IQGAP1: variants seen among roughly 807,000 people sequenced by gnomAD.
The protein encoded by IQGAP1 is ras GTPase-activating-like protein IQGAP1.
IQGAP1 carries 66 observed loss-of-function variants against 215.6 expected under a neutral mutation model. That is an observed-to-expected ratio of 0.31 (90% CI 0.25 to 0.38). The LOEUF is 0.38. Ranked by LOEUF, IQGAP1 falls within the 10% of genes least tolerant of loss-of-function variation. The pLI is 1.00. For synonymous variants in IQGAP1, 772 were observed against 728.7 expected, an observed-to-expected ratio of 1.06 and a Z score of -0.96; for missense variants, 1,712 against 1,997.1, an observed-to-expected ratio of 0.86 and a Z score of 2.72.
chr15:90,439,298 G>C (rs755402242), intron 5 of IQGAP1, 34 bp from the exon 6 acceptor site: 1 of 1,575,560 alleles, frequency 6.3e-7, no homozygotes, highest in Non-Finnish European at 8.7e-7. Flanking sequence ...GGCACAGCTG[G>C]GAGGCCTAAC....
chr15:90,483,256 TC>T, intron 28 of IQGAP1, 104 bp from the exon 29 acceptor site: 1 of 737,582 alleles, frequency 1.4e-6, no homozygotes, highest in Non-Finnish European at 2.3e-6. Flanking sequence ...ATTTATTTTT[TC>T]CTCATAGGAC....
At chr15:90,476,924 G>A in intron 24 of IQGAP1, 106 bp downstream of exon 24, 1 of 1,321,418 alleles carries the variant, frequency 7.6e-7, no homozygotes, top group South Asian at 1.3e-5. Flanking sequence ...TTCCACTGAG[G>A]GGTGAGTGAG....
At chr15:90,424,489 C>T (rs1162959299) in intron 2 of IQGAP1, among the ~76,000 whole-genome samples, 2 of 152,212 alleles carry the variant, frequency 1.3e-5, no homozygotes, top group Non-Finnish European at 2.9e-5. Flanking sequence ...ATATACCCAT[C>T]AGGCTTCATG....
intron 4 of IQGAP1, among the ~76,000 whole-genome samples, chr15:90,432,373 C>T (rs1596263598): frequency 6.6e-6 from 1 of 152,062 alleles, no homozygotes; most frequent in Admixed American, 6.6e-5. Flanking sequence ...CAACAGCCTC[C>T]CAGCATACCT....
Position 90,426,202 on chromosome 15 carries a change from ACTT to A in IQGAP1, c.254_256del (p.Phe85del), listed in dbSNP as rs1219877525. 3.1e-6 allele frequency: 5 copies of A among 1,603,022 alleles called. No homozygotes were observed. The highest frequency in any genetic ancestry group is 4.2e-6 in the Non-Finnish European group (5 of 1,176,536). On this transcript the variant is annotated inframe_deletion, in exon 3 of 38. Transcript: ENST00000268182. ...GGGGTCTACCTTGCCAAACTGGGGA[ACTT>A]CTTCTCTCCCAAAGTAGTGTCCCTG...
At chr15:90,485,343 G>A (rs551351964) in intron 30 of IQGAP1, among the ~76,000 whole-genome samples, 28 of 152,290 alleles carry the variant, frequency 1.8e-4, no homozygotes, top group Admixed American at 1.6e-3. Flanking sequence ...AAGTAAAAGC[G>A]TGCACGTGAC....
chr15:90,432,226 A>G (rs1022103043), intron 4 of IQGAP1, among the ~76,000 whole-genome samples: 1 of 152,142 alleles, frequency 6.6e-6, no homozygotes, highest in Admixed American at 6.6e-5. Flanking sequence ...CCCTTCCTCT[A>G]TAATAAATGG....
chr15:90,422,523 T>C (rs1354056319), intron 2 of IQGAP1, among the ~76,000 whole-genome samples: 3 of 150,814 alleles, frequency 2.0e-5, no homozygotes, highest in Non-Finnish European at 3.0e-5. Flanking sequence ...CTTGGTTAAA[T>C]TTTTATGTAA....
At position 90,441,702 on chromosome 15, in the gene IQGAP1, A is replaced by C; in HGVS notation, c.828+18A>C. 2 of 1,514,550 alleles carry C rather than the reference A, an allele frequency of 1.3e-6. No homozygotes were observed. The highest frequency in any genetic ancestry group is 1.8e-6 in the Non-Finnish European group (2 of 1,102,610). The allele number at this position is 1,514,550 out of a possible 1,614,324, so 93.8% of individuals were successfully genotyped here. ...AAAACAGGGTAAAAATGCAACATCT[A>C]TTCTTTCTAATTAATTTATATTATT... is the stretch of plus-strand genomic sequence containing the variant. On this transcript the variant is annotated intron_variant, in intron 8 of 37. Transcript: ENST00000268182.
intron 11 of IQGAP1, among the ~76,000 whole-genome samples, chr15:90,452,113 C>T (rs1965612098): frequency 6.6e-6 from 1 of 152,184 alleles, no homozygotes; most frequent in Non-Finnish European, 1.5e-5. Flanking sequence ...CAAGCGTGAG[C>T]CACCGTGCCT....
At chr15:90,403,517 A>G (rs914265782) in intron 2 of IQGAP1, among the ~76,000 whole-genome samples, 9 of 152,304 alleles carry the variant, frequency 5.9e-5, no homozygotes, top group African/African-American at 1.9e-4. Context: ...AAAAAAGTCT[A>G]TATCCTTAGT....
intron 2 of IQGAP1, among the ~76,000 whole-genome samples, chr15:90,420,112 G>T (rs1039362246): frequency 2.6e-5 from 4 of 152,174 alleles, no homozygotes; most frequent in Non-Finnish European, 4.4e-5. Flanking sequence ...TTATGGAATT[G>T]TCAGCATGTG....
In IQGAP1 at chr15:90,456,862, T is replaced by C. The variant is rs183806112; in HGVS notation, c.1776+547T>C. Among the ~76,000 whole-genome samples, 460 of 149,988 alleles carry C rather than the reference T, an allele frequency of 3.1e-3. 5 individuals are homozygous for C. The highest frequency in any genetic ancestry group is 0.01 in the African/African-American group (419 of 40,872). ...GAGATTGCGCCACTGCACTCCAGTC[T>C]GGGGGACAGAGTAAGACTCCGTCTC... On this transcript the variant is annotated intron_variant, in intron 15 of 37. Transcript: ENST00000268182.
At chr15:90,402,897 G>C (rs930147599) in intron 2 of IQGAP1, among the ~76,000 whole-genome samples, 12 of 152,198 alleles carry the variant, frequency 7.9e-5, no homozygotes, top group African/African-American at 2.9e-4. Flanking sequence ...TTTACTGTAA[G>C]TAACATACAT....
At chr15:90,469,049 CTGCTAAGTT>C (rs1440017882) in intron 18 of IQGAP1, among the ~76,000 whole-genome samples, 4 of 152,154 alleles carry the variant, frequency 2.6e-5, no homozygotes, top group African/African-American at 4.8e-5. Context: ...TTAAGGTGAG[CTGCTAAGTT>C]TGCAGTACTT....
intron 28 of IQGAP1, chr15:90,482,773 A>T (rs970954485): frequency 1.0e-6 from 1 of 973,140 alleles, no homozygotes; most frequent in African/African-American, 1.8e-5. Context: ...ATTTCTTCTG[A>T]ATGAAACTCT....
intron 15 of IQGAP1, among the ~76,000 whole-genome samples, chr15:90,457,904 G>A (rs1443823686): frequency 6.6e-6 from 1 of 152,188 alleles, no homozygotes; most frequent in Non-Finnish European, 1.5e-5. Context: ...TAATTGAAAC[G>A]TAATTCACGT....
At chr15:90,488,735 G>C (rs566467750) in intron 33 of IQGAP1, among the ~76,000 whole-genome samples, 1 of 152,152 alleles carries the variant, frequency 6.6e-6, no homozygotes, top group African/African-American at 2.4e-5. Context: ...AGGTGGAAAG[G>C]ATTTGGGTGT....
At chr15:90,476,922 A>C in intron 24 of IQGAP1, 104 bp downstream of exon 24, 4 of 1,373,730 alleles carry the variant, frequency 2.9e-6, no homozygotes, top group Non-Finnish European at 4.0e-6. Context: ...ACTTCCACTG[A>C]GGGGTGAGTG....
Sources: allele counts gnomAD v4.1 joint callset (sites outside exome capture counted in the v4.1 genomes callset), GRCh38; gene constraint gnomAD v4.1.1; transcripts MANE v1.5; gene names NCBI Gene and HGNC (gene_info 2026-07-23, HGNC 2026-07-21).